Variants in TCF12 observed in about 807,000 individuals in gnomAD.
TCF12 encodes DNA-binding protein HTF4.
A neutral mutation model predicts 86.0 loss-of-function variants in TCF12; 45 were observed. That is an observed-to-expected ratio of 0.52 (90% confidence interval 0.41 to 0.67). The LOEUF (loss-of-function observed/expected upper bound fraction) is 0.67. Ranked by LOEUF, TCF12 falls within the 30% of genes least tolerant of loss-of-function variation. The pLI, the probability that TCF12 is intolerant of heterozygous loss-of-function variation, is 0.00. For missense variants in TCF12, 881 were observed against 859.9 expected (o/e 1.02, Z -0.31); for synonymous variants, 330 against 299.6 (o/e 1.10, Z -1.05).
intron 3 of TCF12, among the ~76,000 whole-genome samples, chr15:56,967,388 A>G (rs2062057904): frequency 6.6e-6 from 1 of 152,068 alleles, no homozygotes; most frequent in Admixed American, 6.6e-5. Flanking sequence ...TGTCAAGGAC[A>G]TTTTTTGGTA....
At chr15:57,187,193 T>G (rs375327171) in intron 6 of TCF12, among the ~76,000 whole-genome samples, 76 of 150,052 alleles carry the variant, frequency 5.1e-4, no homozygotes, top group African/African-American at 1.8e-3. Context: ...AAAAAAAGAT[T>G]CTGACAAAAT....
intron 8 of TCF12, among the ~76,000 whole-genome samples, chr15:57,200,041 C>T (rs1404149243): frequency 1.1e-4 from 16 of 141,632 alleles, no homozygotes; most frequent in African/African-American, 4.3e-4. Flanking sequence ...GCCACCACGG[C>T]TGGCTTTTTT....
chr15:57,069,342 A>T (rs2069172278), intron 4 of TCF12, among the ~76,000 whole-genome samples: 1 of 152,192 alleles, frequency 6.6e-6, no homozygotes, highest in African/African-American at 2.4e-5. Flanking sequence ...CTATTATGGT[A>T]GTTATTTTTT....
intron 3 of TCF12, among the ~76,000 whole-genome samples, chr15:56,937,969 G>C (rs2060540725): frequency 6.9e-6 from 1 of 145,658 alleles, no homozygotes; most frequent in African/African-American, 2.5e-5. Flanking sequence ...TTTTGTTACA[G>C]ATTTTTGCAT....
intron 3 of TCF12, among the ~76,000 whole-genome samples, chr15:56,930,229 C>T (rs1454560466): frequency 6.6e-6 from 1 of 152,146 alleles, no homozygotes; most frequent in African/African-American, 2.4e-5. Context: ...GTCCCAGAGG[C>T]ATATGTTGTT....
intron 12 of TCF12, among the ~76,000 whole-genome samples, chr15:57,241,751 G>C (rs890865276): frequency 1.1e-4 from 16 of 152,152 alleles, no homozygotes; most frequent in Non-Finnish European, 2.4e-4. Context: ...CCAGCACTTT[G>C]GGAGGCCAAG....
chr15:56,979,488 C>G (rs1180431883), intron 3 of TCF12, among the ~76,000 whole-genome samples: 1 of 152,062 alleles, frequency 6.6e-6, no homozygotes, highest in African/African-American at 2.4e-5. Flanking sequence ...GAAATAGATC[C>G]TGACTTATGA....
intron 8 of TCF12, among the ~76,000 whole-genome samples, chr15:57,211,650 TG>T (rs2058104367): frequency 6.6e-6 from 1 of 152,140 alleles, no homozygotes; most frequent in Non-Finnish European, 1.5e-5. Flanking sequence ...CTTGCAGGTA[TG>T]ATTATAAAAA....
In TCF12 at chr15:57,007,598, A is replaced by G. The variant is rs2064458643; in HGVS notation, c.149-56152A>G. ...GGTCCTAAGTTTCTTCCTTTGTAAA[A>G]TGAAGAGGTAGTATTAGATTATCCC... On this transcript the variant is annotated intron_variant, in intron 3 of 20. Coordinates refer to ENST00000333725, the MANE Select transcript of TCF12 (RefSeq NM_207037.2). Among the ~76,000 whole-genome samples the G allele has an allele frequency of 1.3e-5, 2 of 151,930 alleles. 1 individual carries two copies. Among genetic ancestry groups the G allele is most frequent in the South Asian group, 4.2e-4 (2 of 4,806 alleles).
chr15:57,229,239 C>T (rs2059021982), intron 8 of TCF12, among the ~76,000 whole-genome samples: 1 of 151,960 alleles, frequency 6.6e-6, no homozygotes, highest in Admixed American at 6.6e-5. Context: ...ATCTGCCTAT[C>T]AGCCTGTACA....
chr15:57,084,104 T>G (rs1269996174), intron 4 of TCF12, among the ~76,000 whole-genome samples: 2 of 152,222 alleles, frequency 1.3e-5, no homozygotes, highest in East Asian at 3.8e-4. Flanking sequence ...AATAAAATTA[T>G]ATTGTACCTT....
intron 5 of TCF12, among the ~76,000 whole-genome samples, chr15:57,132,638 T>A (rs2052218466): frequency 6.6e-6 from 1 of 152,232 alleles, no homozygotes; most frequent in African/African-American, 2.4e-5. Flanking sequence ...CCCATTCTTG[T>A]CCCACCAAGG....
At chr15:57,059,012 TTTGA>T (rs1455130338) in intron 3 of TCF12, among the ~76,000 whole-genome samples, 1 of 152,214 alleles carries the variant, frequency 6.6e-6, no homozygotes, top group African/African-American at 2.4e-5. Context: ...CATTCATAGC[TTTGA>T]TTATCTGATA....
At chr15:57,076,869 A>G (rs933342512) in intron 4 of TCF12, among the ~76,000 whole-genome samples, 5 of 151,928 alleles carry the variant, frequency 3.3e-5, no homozygotes, top group Admixed American at 6.6e-5. Flanking sequence ...TTTTTTTTTC[A>G]TAAGGCTGTC....
intron 3 of TCF12, among the ~76,000 whole-genome samples, chr15:57,043,272 C>A (rs572237792): frequency 2.6e-5 from 4 of 152,154 alleles, no homozygotes; most frequent in African/African-American, 9.6e-5. Context: ...TTTTTGAGAT[C>A]CTGATTTTAA....
intron 3 of TCF12, among the ~76,000 whole-genome samples, chr15:57,036,970 A>G (rs1475568609): frequency 1.3e-5 from 2 of 152,224 alleles, no homozygotes; most frequent in African/African-American, 2.4e-5. Flanking sequence ...ACAGCTGCAC[A>G]TAACTAGCAT....
At chr15:57,262,017 T>C (rs1231277507) in intron 16 of TCF12, 77 bp from the exon 17 acceptor site, 1 of 911,644 alleles carries the variant, frequency 1.1e-6, no homozygotes, top group African/African-American at 1.7e-5. Context: ...CTATTAAACC[T>C]AGTAAAATAA....
At chr15:57,241,246 C>G (rs935978760) in intron 12 of TCF12, among the ~76,000 whole-genome samples, 4 of 152,050 alleles carry the variant, frequency 2.6e-5, no homozygotes, top group Non-Finnish European at 4.4e-5. Flanking sequence ...AGTCGCCCAC[C>G]ACGCCCGACT....
intron 12 of TCF12, among the ~76,000 whole-genome samples, chr15:57,235,166 A>G (rs760842375): frequency 3.3e-5 from 5 of 152,248 alleles, no homozygotes; most frequent in Non-Finnish European, 7.3e-5. Context: ...TGTTTGTTGA[A>G]TTCTGTCTTG....
Sources: gnomAD v4.1 joint callset for allele counts (sites outside exome capture counted in the v4.1 genomes callset) on GRCh38, gnomAD v4.1.1 for gene constraint, MANE v1.5 for transcripts, NCBI Gene and HGNC (gene_info 2026-07-23, HGNC 2026-07-21) for gene names.